The following MRTFB variants were observed in gnomAD, a reference collection of about 807,000 sequenced individuals.
MRTFB encodes myocardin related transcription factor B, also known as myocardin-related transcription factor B.
MRTFB carries 29 observed loss-of-function variants against 104.2 expected under a neutral mutation model. The observed-to-expected ratio is 0.28, with a 90% CI of 0.21 to 0.38. The LOEUF (loss-of-function observed/expected upper bound fraction) is 0.38, where lower values mean the gene tolerates loss of function less well. Ranked by LOEUF, MRTFB falls within the 10% of genes least tolerant of loss-of-function variation. The probability of loss-of-function intolerance (pLI) is 1.00; values close to 1 mark genes in which losing one functional copy is unlikely to be tolerated. For synonymous variants in MRTFB, 535 were observed against 519.5 expected (o/e 1.03, Z -0.41); for missense variants, 1,270 against 1,341.6 (o/e 0.95, Z 0.83).
chr16:14,196,645 C>G (rs1279493545), intron 3 of MRTFB, among the ~76,000 whole-genome samples: 3 of 152,154 alleles, frequency 2.0e-5, no homozygotes, highest in Admixed American at 6.5e-5. Flanking sequence ...GTCTTAATAT[C>G]AAAATTCCTG....
At chr16:14,162,675 G>A (rs1369282539) in intron 3 of MRTFB, among the ~76,000 whole-genome samples, 1 of 152,136 alleles carries the variant, frequency 6.6e-6, no homozygotes, top group African/African-American at 2.4e-5. Context: ...ACAAAAACAG[G>A]CTGAACTACT....
intron 3 of MRTFB, chr16:14,141,866 T>A (rs1424258775): frequency 1.3e-5 from 2 of 148,160 alleles, no homozygotes; most frequent in African/African-American, 5.1e-5. Context: ...TGAGACAGAG[T>A]CTCACTCTGT....
chr16:14,052,187 T>A, the MRTFB span, among the ~76,000 whole-genome samples: 3 of 152,082 alleles, frequency 2.0e-5, no homozygotes, highest in African/African-American at 7.2e-5. Context: ...GTGGTAGGAT[T>A]GTTGGGAGGA....
chr16:14,210,290 G>A lies in MRTFB; in HGVS notation c.202G>A (p.Asp68Asn), dbSNP rs760992798. 3 of 1,612,940 alleles carry A rather than the reference G, an allele frequency of 1.9e-6. No homozygotes were observed. The highest frequency in any genetic ancestry group is 2.5e-6 in the Non-Finnish European group (3 of 1,179,430). Reference sequence around the variant, plus strand: ...AAGGAGGACGAGAGAACAACTAGTGGACCAGGGCATCATGCCACGTAAGAT... The same window carrying A: ...AAGGAGGACGAGAGAACAACTAGTGAACCAGGGCATCATGCCACGTAAGAT... ...QQRRTREQLV[D>N]QGIMPPLKSP... Residue 68 changes from aspartate (D) to asparagine (N), a missense_variant, in exon 4 of 17, where the codon GAC becomes AAC. Asp to Asn is a conservative substitution (Grantham distance 23). This residue lies in a region of MRTFB where 64 missense variants were observed against 152.9 expected (regional missense o/e 0.42). Coordinates refer to ENST00000571589, the MANE Select transcript of MRTFB (RefSeq NM_001308142.2).
intron 2 of MRTFB, among the ~76,000 whole-genome samples, chr16:14,080,185 G>A (rs1191288652): frequency 6.6e-6 from 1 of 152,102 alleles, no homozygotes; most frequent in East Asian, 1.9e-4. Context: ...TAACTGCTGG[G>A]TCAGAGATTA....
At position 14,261,357 on chromosome 16, in the gene MRTFB, A is replaced by G. The variant is rs1351427365; in HGVS notation, c.3213A>G (p.Ser1071=). 1.2e-6 allele frequency: 2 copies of G among 1,614,158 alleles called. No homozygotes were observed. Among genetic ancestry groups the G allele is most frequent in the Non-Finnish European group, 1.7e-6 (2 of 1,180,038 alleles). ...WLDITMPNSS[S]GLTPLSTTAP... is the part of the protein sequence containing the mutation. ...ACATTACCATGCCCAACTCCTCTTC[A>G]GGACTCACTCCTCTCAGCACCACCG... Residue 1071 remains serine (S), a synonymous_variant, in exon 17 of 17, where the codon TCA becomes TCG. Coordinates refer to ENST00000571589, the MANE Select transcript of MRTFB (RefSeq NM_001308142.2).
chr16:14,210,394 C>A, intron 4 of MRTFB, 86 bp downstream of exon 4: 2 of 953,060 alleles, frequency 2.1e-6, no homozygotes, highest in Non-Finnish European at 3.2e-6. Flanking sequence ...GCTCTGCTTT[C>A]AGTTGTATCC....
the MRTFB span, among the ~76,000 whole-genome samples, chr16:14,060,379 G>A: frequency 6.6e-6 from 1 of 152,140 alleles, no homozygotes; most frequent in Non-Finnish European, 1.5e-5. Context: ...CACAGTTGAT[G>A]AATGGATTCG....
At chr16:14,255,930 T>C (rs1446635710) in intron 15 of MRTFB, among the ~76,000 whole-genome samples, 4 of 151,778 alleles carry the variant, frequency 2.6e-5, no homozygotes, top group Non-Finnish European at 5.9e-5. Flanking sequence ...CTGGGCAACA[T>C]GATAAAACCC....
intron 2 of MRTFB, among the ~76,000 whole-genome samples, chr16:14,111,714 G>A (rs1596885041): frequency 6.6e-6 from 1 of 152,134 alleles, no homozygotes; most frequent in South Asian, 2.1e-4. Flanking sequence ...GGAAGAGGGA[G>A]GTGCTGAAGC....
the MRTFB span, among the ~76,000 whole-genome samples, chr16:14,036,565 A>G: frequency 8.7e-5 from 13 of 150,120 alleles, no homozygotes; most frequent in African/African-American, 2.4e-4. Flanking sequence ...GTTGAAATAT[A>G]TACATTCCAT....
At chr16:14,087,197 T>G (rs2034764259) in intron 2 of MRTFB, among the ~76,000 whole-genome samples, 1 of 152,196 alleles carries the variant, frequency 6.6e-6, no homozygotes, top group African/African-American at 2.4e-5. Context: ...CCCAAGAGTA[T>G]TCTCATCTCA....
At chr16:14,103,328 G>A (rs184473610) in intron 2 of MRTFB, among the ~76,000 whole-genome samples, 182 of 152,214 alleles carry the variant, frequency 1.2e-3, no homozygotes, top group Non-Finnish European at 1.9e-3. Context: ...TGAGTTCAGC[G>A]AATAAAGTTC....
chr16:14,062,806 T>A, the MRTFB span, among the ~76,000 whole-genome samples: 1 of 152,170 alleles, frequency 6.6e-6, no homozygotes, highest in African/African-American at 2.4e-5. Context: ...ACCCTGCTCC[T>A]GCGCCATGAA....
the MRTFB span, among the ~76,000 whole-genome samples, chr16:14,029,989 C>G: frequency 6.8e-6 from 1 of 147,954 alleles, no homozygotes; most frequent in Non-Finnish European, 1.5e-5. Flanking sequence ...TGGGTGGATG[C>G]TGGGCATGGG....
At chr16:14,144,421 ATGC>A (rs944575826) in intron 3 of MRTFB, 6 of 152,194 alleles carry the variant, frequency 3.9e-5, no homozygotes, top group African/African-American at 1.2e-4. Flanking sequence ...TTTTGGGGAA[ATGC>A]TGCTCAAAGG....
At chr16:14,067,828 T>A (rs2033539267), upstream of MRTFB, among the ~76,000 whole-genome samples, 1 of 152,160 alleles carries the variant, frequency 6.6e-6, no homozygotes, top group South Asian at 2.1e-4. Context: ...AATTAAAAAC[T>A]AATTTTATTT....
the MRTFB span, among the ~76,000 whole-genome samples, chr16:13,997,792 C>A: frequency 0.011 from 946 of 89,904 alleles, no homozygotes; most frequent in East Asian, 0.039. Flanking sequence ...GACCCTATCT[C>A]AAAAAAAAAA....
At chr16:14,070,529 C>T (rs1429541088), upstream of MRTFB, among the ~76,000 whole-genome samples, 1 of 152,224 alleles carries the variant, frequency 6.6e-6, no homozygotes, top group Admixed American at 6.5e-5. Flanking sequence ...AAAATAGTCA[C>T]ACAGTCTTCA....
Sources: allele counts gnomAD v4.1 joint callset (sites outside exome capture counted in the v4.1 genomes callset), GRCh38; gene constraint gnomAD v4.1.1; regional missense constraint gnomAD v4.1.1; transcripts MANE v1.5; gene names NCBI Gene and HGNC (gene_info 2026-07-23, HGNC 2026-07-21).